The following CCDC172 variants were observed in gnomAD, a reference collection of about 807,000 sequenced individuals.
CCDC172 encodes the protein coiled-coil domain-containing protein 172.
A neutral mutation model predicts 38.0 loss-of-function variants in CCDC172; 30 were observed. The ratio of observed to expected loss-of-function variants is 0.79; its 90% CI spans 0.59 to 1.07. CCDC172 has a LOEUF of 1.07. Among genes scored for constraint, CCDC172 ranks in the 50% least tolerant of loss-of-function variants. The pLI, the probability that CCDC172 is intolerant of heterozygous loss-of-function variation, is 0.00. For synonymous variants in CCDC172, 78 were observed against 88.3 expected (o/e 0.88, Z 0.66); for missense variants, 297 against 290.1 (o/e 1.02, Z -0.17).
intron 7 of CCDC172, among the ~76,000 whole-genome samples, chr10:116,362,134 G>A (rs1845072375): frequency 6.6e-6 from 1 of 152,174 alleles, no homozygotes; most frequent in Non-Finnish European, 1.5e-5. Flanking sequence ...AGCTTGCAGT[G>A]AGCCGAGATC....
intron 4 of CCDC172, 119 bp from the exon 5 acceptor site, chr10:116,341,917 A>G: frequency 2.9e-6 from 2 of 689,332 alleles, no homozygotes; most frequent in Non-Finnish European, 4.0e-6. Flanking sequence ...CCATAAAACC[A>G]GGAAGTGTAA....
chr10:116,344,273 A>T (rs184648571), intron 5 of CCDC172, among the ~76,000 whole-genome samples: 3 of 152,342 alleles, frequency 2.0e-5, no homozygotes, highest in Non-Finnish European at 1.5e-5. Context: ...TCGTGTGAAC[A>T]TCATAGATTG....
rs1255041653 is a variant in CCDC172 at position 116,357,829 on chromosome 10, T to C, written c.551-7T>C. 3.0e-6 allele frequency: 4 copies of C among 1,320,454 alleles called. No individual in the cohort carries two copies. The highest frequency in any genetic ancestry group is 4.2e-6 in the Non-Finnish European group (4 of 942,904). The allele number at this position is 1,320,454 out of a possible 1,614,324, so 81.8% of individuals were successfully genotyped here. A position where few individuals can be genotyped will look rare whatever the true frequency, so the allele number is the denominator to read the frequency against. On this transcript the variant is annotated splice_polypyrimidine_tract_variant and splice_region_variant and intron_variant, in intron 6 of 8. Transcript: ENST00000333254. The stretch of plus-strand genomic sequence containing the variant: ...AAAAGATTGCAACTATTTTTTGATT[T>C]GTTTAGTTTTTGAAGATGAAGAGAA...
intron 7 of CCDC172, among the ~76,000 whole-genome samples, chr10:116,364,032 A>G (rs1845094877): frequency 6.6e-6 from 1 of 152,114 alleles, no homozygotes; most frequent in Admixed American, 6.6e-5. Context: ...TATAGTCATT[A>G]TGATAAACAA....
At chr10:116,341,924 G>GTAAC (rs1844799615) in intron 4 of CCDC172, 112 bp from the exon 5 acceptor site, 1 of 747,380 alleles carries the variant, frequency 1.3e-6, no homozygotes, top group African/African-American at 1.9e-5. Context: ...ACCAGGAAGT[G>GTAAC]TAACTATATA....
intron 7 of CCDC172, among the ~76,000 whole-genome samples, chr10:116,367,456 G>C (rs1167067814): frequency 6.6e-6 from 1 of 152,140 alleles, no homozygotes; most frequent in Non-Finnish European, 1.5e-5. Context: ...TTGGGAGGCT[G>C]ACGCGGGCGG....
intron 3 of CCDC172, among the ~76,000 whole-genome samples, chr10:116,329,402 C>T (rs1844629714): frequency 6.6e-6 from 1 of 152,040 alleles, no homozygotes; most frequent in African/African-American, 2.4e-5. Context: ...GCTGTTTCCT[C>T]TGCTTGAAAT....
At chr10:116,357,114 G>C (rs555076595) in intron 5 of CCDC172, among the ~76,000 whole-genome samples, 51 of 152,090 alleles carry the variant, frequency 3.4e-4, no homozygotes, top group African/African-American at 1.1e-3. Flanking sequence ...GATTTTTTAG[G>C]ATTGATTTTT....
intron 5 of CCDC172, among the ~76,000 whole-genome samples, chr10:116,357,043 G>C (rs1845005610): frequency 6.6e-6 from 1 of 152,078 alleles, no homozygotes; most frequent in Non-Finnish European, 1.5e-5. Context: ...GCTGACGTAA[G>C]GCAAAGCTTA....
intron 7 of CCDC172, among the ~76,000 whole-genome samples, chr10:116,374,699 G>A (rs552832296): frequency 1.1e-4 from 17 of 151,878 alleles, no homozygotes; most frequent in Admixed American, 2.0e-4. Flanking sequence ...AAAGGGCAAA[G>A]CACATATAGA....
intron 7 of CCDC172, among the ~76,000 whole-genome samples, chr10:116,360,595 C>A (rs375257343): frequency 6.6e-6 from 1 of 152,094 alleles, no homozygotes; most frequent in Non-Finnish European, 1.5e-5. Context: ...TGCTGACCTC[C>A]CCTTAGTCCC....
At chr10:116,354,894 G>A (rs1483808304) in intron 5 of CCDC172, among the ~76,000 whole-genome samples, 1 of 152,126 alleles carries the variant, frequency 6.6e-6, no homozygotes, top group African/African-American at 2.4e-5. Context: ...CTAATTGTGT[G>A]TATTTGTGTC....
chr10:116,355,298 A>G, intron 5 of CCDC172, among the ~76,000 whole-genome samples: 1 of 152,274 alleles, frequency 6.6e-6, no homozygotes, highest in South Asian at 2.1e-4. Flanking sequence ...TAGATACACA[A>G]ATGCTTATTA....
At chr10:116,352,845 G>T (rs1844947183) in intron 5 of CCDC172, among the ~76,000 whole-genome samples, 1 of 151,678 alleles carries the variant, frequency 6.6e-6, no homozygotes. Context: ...TCTATTCAAA[G>T]ATAACATGAT....
chr10:116,353,180 G>A (rs936757931), intron 5 of CCDC172, among the ~76,000 whole-genome samples: 2 of 146,478 alleles, frequency 1.4e-5, no homozygotes, highest in Non-Finnish European at 1.5e-5. Flanking sequence ...GCGACAGAGC[G>A]AGACTCCATC....
chr10:116,374,892 TA>T (rs11354143), intron 7 of CCDC172, among the ~76,000 whole-genome samples: 14,146 of 143,826 alleles, frequency 0.098, 980 homozygotes, highest in East Asian at 0.24. Context: ...GTAGATACGT[TA>T]AAAAAAAAAA....
intron 7 of CCDC172, among the ~76,000 whole-genome samples, chr10:116,370,465 G>C (rs1013697129): frequency 4.0e-5 from 6 of 151,806 alleles, no homozygotes; most frequent in Non-Finnish European, 7.4e-5. Context: ...ATTTAATGAA[G>C]AGTCTATCTC....
At chr10:116,353,752 G>A (rs1485338027) in intron 5 of CCDC172, among the ~76,000 whole-genome samples, 2 of 152,094 alleles carry the variant, frequency 1.3e-5, no homozygotes, top group African/African-American at 4.8e-5. Flanking sequence ...ACAAATGTAC[G>A]ATGTATTTTT....
chr10:116,332,811 A>G (rs906190259), intron 3 of CCDC172, among the ~76,000 whole-genome samples: 5 of 152,000 alleles, frequency 3.3e-5, no homozygotes, highest in African/African-American at 7.2e-5. Context: ...TTTGTTTTCA[A>G]TACACCCATT....
Sources: allele counts gnomAD v4.1 joint callset (sites outside exome capture counted in the v4.1 genomes callset), GRCh38; gene constraint gnomAD v4.1.1; transcripts MANE v1.5; gene names NCBI Gene and HGNC (gene_info 2026-07-23, HGNC 2026-07-21).